The following RPTOR variants were observed in gnomAD, a reference collection of about 807,000 sequenced individuals.
The protein encoded by RPTOR is regulatory-associated protein of mTOR.
RPTOR carries 21 observed loss-of-function variants against 169.9 expected under a neutral mutation model. The observed-to-expected ratio is 0.12, with a 90% CI of 0.09 to 0.18. The LOEUF (loss-of-function observed/expected upper bound fraction) is 0.18. RPTOR is among the 10% of genes least tolerant of loss of function. The pLI is 1.00. For synonymous variants in RPTOR, 732 were observed against 753.2 expected (o/e 0.97, Z 0.46); for missense variants, 1,133 against 1,855.9 (o/e 0.61, Z 7.16).
chr17:80,936,267 G>A lies in RPTOR; in HGVS notation c.2920-4229G>A, dbSNP rs1464284539. Among the ~76,000 whole-genome samples the A allele has an allele frequency of 6.6e-6, 1 of 152,234 alleles. No homozygotes were observed. The highest frequency in any genetic ancestry group is 1.5e-5 in the Non-Finnish European group (1 of 68,044). On this transcript the variant is annotated intron_variant, in intron 24 of 33. Coordinates refer to ENST00000306801, the MANE Select transcript of RPTOR (RefSeq NM_020761.3). This position sits in a 1 kb window ranked among gnomAD's most constrained non-coding sequence, Gnocchi z 4.1. ...TTCTTGGCTACTGCAACTACAAGAT[G>A]CTACAGACACCTTGGAAAAGGTTGT...
At chr17:80,563,864 GA>G (rs1445076234) in intron 1 of RPTOR, among the ~76,000 whole-genome samples, 1 of 152,118 alleles carries the variant, frequency 6.6e-6, no homozygotes, top group African/African-American at 2.4e-5. Context: ...CTGTGCTCCT[GA>G]TGTCCAGGGT....
intron 6 of RPTOR, among the ~76,000 whole-genome samples, chr17:80,778,287 T>A (rs1425104394): frequency 6.6e-6 from 1 of 152,172 alleles, no homozygotes; most frequent in Non-Finnish European, 1.5e-5. Flanking sequence ...TCCTTCAGGG[T>A]ATGTGAAACT....
At chr17:80,648,123 G>A (rs569703400) in intron 3 of RPTOR, among the ~76,000 whole-genome samples, 3 of 152,288 alleles carry the variant, frequency 2.0e-5, no homozygotes, top group African/African-American at 7.2e-5. Context: ...AGTAGAAATT[G>A]TTATTGCATT....
chr17:80,638,917 G>A (rs943658504), intron 2 of RPTOR, among the ~76,000 whole-genome samples: 3 of 152,280 alleles, frequency 2.0e-5, no homozygotes, highest in East Asian at 1.9e-4. Context: ...AAAAGATCTC[G>A]CTCCTGTACG....
At chr17:80,913,047 T>C (rs1443384305) in intron 21 of RPTOR, among the ~76,000 whole-genome samples, 1 of 152,202 alleles carries the variant, frequency 6.6e-6, no homozygotes, top group East Asian at 1.9e-4. Flanking sequence ...TGTCTGAGTG[T>C]ATATGTGTGT....
At chr17:80,569,739 A>G (rs1568310022) in intron 1 of RPTOR, among the ~76,000 whole-genome samples, 1 of 152,180 alleles carries the variant, frequency 6.6e-6, no homozygotes, top group Non-Finnish European at 1.5e-5. Flanking sequence ...AGTATTTATT[A>G]TCTGCCCCTT....
chr17:80,666,887 C>T (rs2065784320), intron 3 of RPTOR, among the ~76,000 whole-genome samples: 3 of 152,174 alleles, frequency 2.0e-5, no homozygotes, highest in African/African-American at 7.2e-5. Flanking sequence ...CGAATTACTG[C>T]CCGTGTCCTC....
At chr17:80,848,914 A>G (rs1598351467) in intron 11 of RPTOR, among the ~76,000 whole-genome samples, 1 of 152,326 alleles carries the variant, frequency 6.6e-6, no homozygotes, top group East Asian at 1.9e-4. Context: ...GTATGCGAAG[A>G]CAGCTCTGGT....
At chr17:80,945,806 C>T (rs920471587) in intron 26 of RPTOR, 25 bp downstream of exon 26, 4 of 1,419,028 alleles carry the variant, frequency 2.8e-6, no homozygotes, top group Non-Finnish European at 3.8e-6. Context: ...GGTCAGGCCT[C>T]CCTTCCGGCT....
At chr17:80,753,685 A>G (rs916337666) in intron 5 of RPTOR, among the ~76,000 whole-genome samples, 4 of 151,298 alleles carry the variant, frequency 2.6e-5, no homozygotes, top group East Asian at 3.9e-4. Flanking sequence ...GTAAGACACC[A>G]TGAAAGACCT....
In RPTOR at chr17:80,958,614, C is replaced by CT. The variant is rs1260665944; in HGVS notation, c.3477+884_3477+885insT. ...TATTTTTAGTGGAGACGGCGTTTCA[C>CT]GTGTTAGCCAGAATGGTCTCTATCT... is the stretch of plus-strand genomic sequence containing the variant. On this transcript the variant is annotated intron_variant, in intron 29 of 33. Coordinates refer to ENST00000306801, the MANE Select transcript of RPTOR (RefSeq NM_020761.3). Among the ~76,000 whole-genome samples the CT allele has an allele frequency of 5.1e-4, 78 of 151,890 alleles. 1 individual carries two copies. The highest frequency in any genetic ancestry group is 1.2e-4 in the Non-Finnish European group (8 of 67,958).
intron 21 of RPTOR, among the ~76,000 whole-genome samples, chr17:80,912,040 C>A (rs1296743709): frequency 1.3e-5 from 2 of 152,200 alleles, no homozygotes; most frequent in Non-Finnish European, 2.9e-5. Flanking sequence ...AAAATCAGTT[C>A]TTACCACTTA....
chr17:80,823,520 A>G lies in RPTOR; in HGVS notation c.1136+297A>G. 1 of 284,744 alleles carries G rather than the reference A, an allele frequency of 3.5e-6. No homozygotes were observed. The highest frequency in any genetic ancestry group is 6.6e-6 in the Non-Finnish European group (1 of 150,422). The allele number at this position is 284,744 out of a possible 1,614,324, so 17.6% of individuals were successfully genotyped here. Reference sequence around the variant, plus strand: ...GTAGCACTTTGCAAGAGAGTTTCTAACCTTTTAGAAACCAGTAGTGAGAAA... The same window carrying G: ...GTAGCACTTTGCAAGAGAGTTTCTAGCCTTTTAGAAACCAGTAGTGAGAAA... On this transcript the variant is annotated intron_variant, in intron 9 of 33. Coordinates refer to ENST00000306801, the MANE Select transcript of RPTOR (RefSeq NM_020761.3). This position sits in a 1 kb window ranked among gnomAD's most constrained non-coding sequence, Gnocchi z 4.5.
In RPTOR at chr17:80,545,655, C is replaced by T; in HGVS notation, c.26C>T (p.Pro9Leu). Residue 9 changes from proline to leucine, a missense_variant, in exon 1 of 34, where the codon CCT becomes CTT. Around this residue, in one of 9 missense-constraint regions of RPTOR, gnomAD observed 47 missense variants for 59.5 expected, o/e 0.79. Transcript: ENST00000306801. MESEMLQS[P>L]LLGLGEEDEA... is the part of the protein sequence containing the mutation. ...ATGGAGTCCGAAATGCTGCAATCGC[C>T]TCTTCTGGGCCTGGGGGAGGAAGAT... is the stretch of plus-strand genomic sequence containing the variant. The T allele has an allele frequency of 1.2e-6, 2 of 1,612,734 alleles. No individual in the cohort carries two copies. The highest frequency in any genetic ancestry group is 1.1e-5 in the South Asian group (1 of 90,968).
intron 20 of RPTOR, among the ~76,000 whole-genome samples, chr17:80,905,765 A>G (rs938364208): frequency 5.9e-5 from 9 of 152,290 alleles, no homozygotes; most frequent in Non-Finnish European, 1.3e-4. Context: ...AGGCTTGAGC[A>G]GCCACCAGCC....
chr17:80,607,108 C>T (rs927216831), intron 1 of RPTOR, among the ~76,000 whole-genome samples: 47 of 149,806 alleles, frequency 3.1e-4, no homozygotes, highest in African/African-American at 1.1e-3. Flanking sequence ...CATCCTTCAA[C>T]TTTTTTTTTT....
chr17:80,791,374 CT>C, intron 6 of RPTOR, 75 bp from the exon 7 acceptor site: 1 of 1,380,172 alleles, frequency 7.2e-7, no homozygotes, highest in Non-Finnish European at 1.0e-6. Flanking sequence ...TAACTCTTCC[CT>C]TTTTCTGCAG....
At chr17:80,608,832 G>A (rs1289843267) in intron 1 of RPTOR, among the ~76,000 whole-genome samples, 1 of 152,214 alleles carries the variant, frequency 6.6e-6, no homozygotes, top group African/African-American at 2.4e-5. Flanking sequence ...GCAGATGCGG[G>A]AACAGGTGCT....
At chr17:80,952,460 C>T (rs1231953289) in intron 28 of RPTOR, among the ~76,000 whole-genome samples, 3 of 152,168 alleles carry the variant, frequency 2.0e-5, no homozygotes, top group African/African-American at 7.2e-5. Context: ...CTGCAGGGAG[C>T]CTGCAGGAGG....
Sources: gnomAD v4.1 joint callset for allele counts (sites outside exome capture counted in the v4.1 genomes callset) on GRCh38, gnomAD v4.1.1 for gene constraint, gnomAD v4.1.1 regional missense constraint, Gnocchi (gnomAD v3.1) non-coding constraint, MANE v1.5 for transcripts, NCBI Gene and HGNC (gene_info 2026-07-23, HGNC 2026-07-21) for gene names.